Variants in RYR2 observed in about 807,000 individuals in gnomAD.
RYR2 encodes the protein cardiac muscle ryanodine receptor-calcium release channel.
Under a neutral mutation model 601.1 loss-of-function variants are expected in RYR2, and 227 were observed. That is an observed-to-expected ratio of 0.38 (90% CI 0.34 to 0.42). The LOEUF (loss-of-function observed/expected upper bound fraction) is 0.42. Among genes scored for constraint, RYR2 ranks in the 10% least tolerant of loss-of-function variants. The pLI is 1.00. For missense variants in RYR2, 4,646 were observed against 6,156.5 expected (o/e 0.75, Z 8.21); for synonymous variants, 2,223 against 2,175.1 (o/e 1.02, Z -0.61).
chr1:237,293,267 C>T (rs1348153022), intron 2 of RYR2, among the ~76,000 whole-genome samples: 1 of 152,180 alleles, frequency 6.6e-6, no homozygotes, highest in East Asian at 1.9e-4. Flanking sequence ...AGTGCAGTGA[C>T]ACAGACTCAG....
chr1:237,092,509 A>G (rs1667068293), intron 1 of RYR2, among the ~76,000 whole-genome samples: 1 of 139,792 alleles, frequency 7.2e-6, no homozygotes, highest in Non-Finnish European at 1.5e-5. Context: ...CAGATCACAG[A>G]TAGTCTTTTT....
rs139474574 is a variant in RYR2 at position 237,228,438 on chromosome 1, A to G, written c.49-42059A>G. Among the ~76,000 whole-genome samples the G allele has an allele frequency of 4.9e-3, 740 of 152,276 alleles. 10 individuals carry two copies. The highest frequency in any genetic ancestry group is 0.017 in the African/African-American group (713 of 41,548). Reference sequence around the variant, plus strand: ...TTGAATTGTGCTGCTATTAACATGCATGTGCAAGTATCTTTTTCGTATAAT... The same window carrying G: ...TTGAATTGTGCTGCTATTAACATGCGTGTGCAAGTATCTTTTTCGTATAAT... On this transcript the variant is annotated intron_variant, in intron 1 of 104. Coordinates refer to ENST00000366574, the MANE Select transcript of RYR2 (RefSeq NM_001035.3).
intron 1 of RYR2, among the ~76,000 whole-genome samples, chr1:237,096,391 C>T (rs948032818): frequency 1.1e-4 from 16 of 152,116 alleles, no homozygotes; most frequent in African/African-American, 3.6e-4. Flanking sequence ...TTTGTTTCAA[C>T]CTAGAAATGT....
chr1:237,641,586 G>T lies in RYR2; in HGVS notation c.7221+584G>T, dbSNP rs1250221804. ...AGGCAAGGTCTTGCTCTGTCTCCCA[G>T]GCTAGAGTGCAGTGGCATGATCTCA... On this transcript the variant is annotated intron_variant, in intron 47 of 104. Transcript: ENST00000366574. Among the ~76,000 whole-genome samples, 14 of 149,108 alleles carry T rather than the reference G, an allele frequency of 9.4e-5. No homozygotes were observed. The South Asian group carries it at 3.0e-3, about 32-fold the overall frequency.
chr1:237,826,286 C>T (rs1259800004), intron 101 of RYR2, among the ~76,000 whole-genome samples: 15 of 152,094 alleles, frequency 9.9e-5, no homozygotes, highest in Non-Finnish European at 2.9e-5. Flanking sequence ...CAATGATAGA[C>T]TAGATTTTAA....
intron 1 of RYR2, among the ~76,000 whole-genome samples, chr1:237,244,782 C>A (rs1305706477): frequency 6.9e-6 from 1 of 144,734 alleles, no homozygotes; most frequent in East Asian, 2.1e-4. Flanking sequence ...TGGCGCGAGA[C>A]AATGAGCCCC....
In RYR2 at chr1:237,503,308, G is replaced by C. The variant is rs1227019047; in HGVS notation, c.2416G>C (p.Gly806Arg). The part of the protein sequence containing the change: ...AGIKVRFLLG[G>R]RHGEFKFLPP... ...CTTTAGAGTACGCTTTCTGCTTGGA[G>C]GGCGACATGGAGAATTCAAATTTCT... The change falls in exon 22 of 105, where the codon GGG (glycine) becomes CGG (arginine). Residue 806 changes from glycine (G) to arginine (R), a missense_variant. This residue lies in a region of RYR2 where 1,807 missense variants were observed against 2,088.1 expected (regional missense o/e 0.87). Coordinates refer to ENST00000366574, the MANE Select transcript of RYR2 (RefSeq NM_001035.3). 2.5e-6 allele frequency: 4 copies of C among 1,610,294 alleles called. No individual in the cohort carries two copies. Among genetic ancestry groups the C allele is most frequent in the Non-Finnish European group, 3.4e-6 (4 of 1,178,008 alleles).
intron 98 of RYR2, among the ~76,000 whole-genome samples, chr1:237,805,575 T>TTTTTTTTTTTTTTTTTTTTTTTGA (rs1558456088): frequency 1.1e-4 from 11 of 103,412 alleles, no homozygotes; most frequent in South Asian, 3.4e-4. Flanking sequence ...AGCTAGACTC[T>TTTTTTTTTTTTTTTTTTTTTTTGA]GTCTCAAAAA....
intron 1 of RYR2, among the ~76,000 whole-genome samples, chr1:237,263,934 GA>G (rs1370802550): frequency 6.6e-6 from 1 of 152,030 alleles, no homozygotes; most frequent in Non-Finnish European, 1.5e-5. Flanking sequence ...TAATAAAGGG[GA>G]AAAAATAAGA....
chr1:237,545,804 A>T (rs2148064414), intron 25 of RYR2, among the ~76,000 whole-genome samples: 1 of 151,934 alleles, frequency 6.6e-6, no homozygotes, highest in Admixed American at 6.5e-5. Context: ...TCATGCCTGT[A>T]ATCCCAGCAA....
At position 237,538,154 on chromosome 1, in the gene RYR2, T is replaced by C. The variant is rs567933702; in HGVS notation, c.2906+7644T>C. 4.0e-4 allele frequency among the ~76,000 whole-genome samples: 61 copies of C among 150,858 alleles called. 1 individual carries two copies. The highest frequency in any genetic ancestry group is 1.4e-3 in the African/African-American group (58 of 41,090). ...CCTGTAATCCCAGCACTTTGGGAAG[T>C]CGAGGTGGGCAGATCATCAGAGGTC... On this transcript the variant is annotated intron_variant, in intron 25 of 104. Coordinates refer to ENST00000366574, the MANE Select transcript of RYR2 (RefSeq NM_001035.3).
intron 58 of RYR2, among the ~76,000 whole-genome samples, chr1:237,671,121 A>G (rs1431775481): frequency 6.6e-6 from 1 of 152,180 alleles, no homozygotes; most frequent in Non-Finnish European, 1.5e-5. Flanking sequence ...GGTAGGGGAA[A>G]TTAGTCCTCG....
At chr1:237,235,196 G>T (rs1424548460) in intron 1 of RYR2, among the ~76,000 whole-genome samples, 1 of 152,208 alleles carries the variant, frequency 6.6e-6, no homozygotes, top group Non-Finnish European at 1.5e-5. Context: ...CTAAAGCACT[G>T]TGATTTAACA....
At chr1:237,073,866 T>TA (rs71178385) in intron 1 of RYR2, among the ~76,000 whole-genome samples, 72,353 of 122,386 alleles carry the variant, frequency 0.59, 22,273 homozygotes, top group Non-Finnish European at 0.69. Flanking sequence ...GACTCCATCT[T>TA]AAAAAAAAAA....
At chr1:237,338,506 A>G (rs1697455362) in intron 3 of RYR2, among the ~76,000 whole-genome samples, 2 of 152,208 alleles carry the variant, frequency 1.3e-5, no homozygotes, top group South Asian at 4.1e-4. Context: ...ATATAAATGC[A>G]ATTTGTTGAG....
At chr1:237,426,171 T>G (rs1304342497) in intron 12 of RYR2, among the ~76,000 whole-genome samples, 1 of 152,174 alleles carries the variant, frequency 6.6e-6, no homozygotes, top group East Asian at 1.9e-4. Context: ...CCTTTCTCTT[T>G]CAACTCCTGT....
chr1:237,690,471 T>A (rs2148982859), intron 63 of RYR2, among the ~76,000 whole-genome samples: 1 of 152,334 alleles, frequency 6.6e-6, no homozygotes, highest in Non-Finnish European at 1.5e-5. Flanking sequence ...ATGTTTCTAG[T>A]CTTATTAAAA....
At chr1:237,298,001 C>T (rs1692970492) in intron 2 of RYR2, among the ~76,000 whole-genome samples, 1 of 149,296 alleles carries the variant, frequency 6.7e-6, no homozygotes, top group African/African-American at 2.5e-5. Flanking sequence ...CTCAAGCAAT[C>T]AGGCCACCTC....
At chr1:237,348,018 G>T (rs570364582) in intron 3 of RYR2, among the ~76,000 whole-genome samples, 4 of 152,172 alleles carry the variant, frequency 2.6e-5, no homozygotes, top group African/African-American at 9.7e-5. Flanking sequence ...AGGCAGAGGA[G>T]CCTGCAAAGT....
Sources: gnomAD v4.1 joint callset for allele counts (sites outside exome capture counted in the v4.1 genomes callset) on GRCh38, gnomAD v4.1.1 for gene constraint, gnomAD v4.1.1 regional missense constraint, MANE v1.5 for transcripts, NCBI Gene and HGNC (gene_info 2026-07-23, HGNC 2026-07-21) for gene names.